The following FRMD4B variants were observed in gnomAD, a reference collection of about 807,000 sequenced individuals.
The protein encoded by FRMD4B is FERM domain containing 4B.
A neutral mutation model predicts 141.5 loss-of-function variants in FRMD4B; 74 were observed. The ratio of observed to expected loss-of-function variants is 0.52; its 90% confidence interval spans 0.43 to 0.63. The LOEUF is 0.63. Among genes scored for constraint, FRMD4B ranks in the 30% least tolerant of loss-of-function variants. The pLI is 0.00. For missense variants in FRMD4B, 1,366 were observed against 1,253.4 expected, an observed-to-expected ratio of 1.09 and a Z score of -1.36; for synonymous variants, 506 against 467.9, an observed-to-expected ratio of 1.08 and a Z score of -1.05.
At chr3:69,216,183 A>G in intron 11 of FRMD4B, 80 bp downstream of exon 11, 1 of 799,282 alleles carries the variant, frequency 1.3e-6, no homozygotes, top group South Asian at 1.6e-5. Context: ...CCAACAACCT[A>G]ATGGTGTGTG....
intron 10 of FRMD4B, among the ~76,000 whole-genome samples, chr3:69,217,196 G>T (rs970667802): frequency 1.3e-5 from 2 of 152,336 alleles, no homozygotes; most frequent in East Asian, 3.9e-4. Flanking sequence ...TACATACGGG[G>T]AGGTGAGTAA....
chr3:69,380,866 G>A (rs1704101466), intron 1 of FRMD4B, among the ~76,000 whole-genome samples: 1 of 152,194 alleles, frequency 6.6e-6, no homozygotes, highest in Non-Finnish European at 1.5e-5. Flanking sequence ...TGAGGGTTTT[G>A]TTAGAACATG....
intron 1 of FRMD4B, among the ~76,000 whole-genome samples, chr3:69,333,726 G>A (rs1001934308): frequency 6.6e-6 from 1 of 151,900 alleles, no homozygotes; most frequent in African/African-American, 2.4e-5. Flanking sequence ...AATTGTGAAC[G>A]TGGTCCATTT....
At chr3:69,345,837 A>G (rs1702919885) in intron 1 of FRMD4B, among the ~76,000 whole-genome samples, 1 of 152,188 alleles carries the variant, frequency 6.6e-6, no homozygotes, top group African/African-American at 2.4e-5. Context: ...TCTGTACGTC[A>G]CCATCATCAA....
intron 7 of FRMD4B, among the ~76,000 whole-genome samples, chr3:69,236,059 C>T (rs1039039168): frequency 6.6e-6 from 1 of 152,136 alleles, no homozygotes; most frequent in Non-Finnish European, 1.5e-5. Flanking sequence ...CTAGATCAAA[C>T]TGGATTAACC....
At chr3:69,293,878 C>T (rs1273149761) in intron 4 of FRMD4B, among the ~76,000 whole-genome samples, 1 of 15,990 alleles carries the variant, frequency 6.3e-5, no homozygotes. Flanking sequence ...TAGATTCTGC[C>T]TCAAAAAAAA....
chr3:69,396,537 C>G (rs974750760), intron 2 of FRMD4B, among the ~76,000 whole-genome samples: 6 of 151,980 alleles, frequency 3.9e-5, no homozygotes, highest in African/African-American at 1.5e-4. Flanking sequence ...GAAAACATAT[C>G]CCTCTTTGAA....
At chr3:69,413,723 T>C (rs1259210158) in intron 2 of FRMD4B, among the ~76,000 whole-genome samples, 1 of 152,182 alleles carries the variant, frequency 6.6e-6, no homozygotes, top group Non-Finnish European at 1.5e-5. Context: ...CAAGGGAATG[T>C]GACGCATTCA....
intron 1 of FRMD4B, among the ~76,000 whole-genome samples, chr3:69,458,216 C>T (rs536524350): frequency 9.9e-5 from 15 of 152,158 alleles, no homozygotes; most frequent in Non-Finnish European, 1.8e-4. Flanking sequence ...AAATAGAGCT[C>T]ATTAGCTTCT....
At chr3:69,176,319 A>C (rs2092645573) in intron 22 of FRMD4B, among the ~76,000 whole-genome samples, 1 of 152,198 alleles carries the variant, frequency 6.6e-6, no homozygotes, top group African/African-American at 2.4e-5. Context: ...ATAGTGCAAA[A>C]ACAGCCATAG....
At chr3:69,489,976 C>A (rs1327438806) in intron 1 of FRMD4B, among the ~76,000 whole-genome samples, 1 of 152,190 alleles carries the variant, frequency 6.6e-6, no homozygotes, top group African/African-American at 2.4e-5. Context: ...GTCAGAAAAA[C>A]CACAATCTTA....
At chr3:69,259,339 C>T (rs1451962643) in intron 5 of FRMD4B, among the ~76,000 whole-genome samples, 1 of 152,236 alleles carries the variant, frequency 6.6e-6, no homozygotes, top group Admixed American at 6.5e-5. Flanking sequence ...AAGCTTCTCT[C>T]GTTCACCCAC....
intron 20 of FRMD4B, 123 bp from the exon 21 acceptor site, chr3:69,181,833 A>G: frequency 6.4e-6 from 4 of 629,220 alleles, no homozygotes; most frequent in Middle Eastern, 4.3e-4. Flanking sequence ...TTGAGTTGCC[A>G]AAGCTGACTG....
chr3:69,293,922 C>A (rs1700959908), intron 4 of FRMD4B, among the ~76,000 whole-genome samples: 1 of 145,230 alleles, frequency 6.9e-6, no homozygotes, highest in African/African-American at 2.5e-5. Flanking sequence ...AAGTATCTTT[C>A]CTAAGTTCTT....
At chr3:69,185,862 T>C (rs12172924) in intron 19 of FRMD4B, among the ~76,000 whole-genome samples, 16,672 of 151,804 alleles carry the variant, frequency 0.11, 2,273 homozygotes, top group East Asian at 0.37. Context: ...ACCAACATGG[T>C]GAAACTCTAT....
At chr3:69,227,151 C>T (rs1473011425) in intron 7 of FRMD4B, among the ~76,000 whole-genome samples, 1 of 152,122 alleles carries the variant, frequency 6.6e-6, no homozygotes. Flanking sequence ...CAATCAGAAT[C>T]TACTCCAGTT....
At chr3:69,470,459 A>G (rs1255311377) in intron 1 of FRMD4B, among the ~76,000 whole-genome samples, 1 of 152,184 alleles carries the variant, frequency 6.6e-6, no homozygotes, top group African/African-American at 2.4e-5. Context: ...AATAATTTCA[A>G]TTCTAGGTGG....
chr3:69,294,198 G>C (rs561619232), intron 4 of FRMD4B, among the ~76,000 whole-genome samples: 4 of 152,266 alleles, frequency 2.6e-5, no homozygotes, highest in African/African-American at 9.6e-5. Flanking sequence ...CTCATTCTGG[G>C]TTTCTTTTAG....
intron 1 of FRMD4B, among the ~76,000 whole-genome samples, chr3:69,524,006 A>G (rs1700895056): frequency 6.6e-6 from 1 of 152,212 alleles, no homozygotes; most frequent in Non-Finnish European, 1.5e-5. Flanking sequence ...TTTACCTAAA[A>G]TAAGCAAATG....
Sources: gnomAD v4.1 joint callset for allele counts (sites outside exome capture counted in the v4.1 genomes callset) on GRCh38, gnomAD v4.1.1 for gene constraint, MANE v1.5 for transcripts, NCBI Gene and HGNC (gene_info 2026-07-23, HGNC 2026-07-21) for gene names.